Variants in SMYD3 observed in about 807,000 individuals in gnomAD.
The protein encoded by SMYD3 is SET and MYND domain containing 3.
A neutral mutation model predicts 57.7 loss-of-function variants in SMYD3; 36 were observed. The ratio of observed to expected loss-of-function variants is 0.62; its 90% CI spans 0.48 to 0.82. The LOEUF (loss-of-function observed/expected upper bound fraction) is 0.82. Among genes scored for constraint, SMYD3 ranks in the 40% least tolerant of loss-of-function variants. The pLI is 0.00. For synonymous variants in SMYD3, 211 were observed against 195.0 expected, an observed-to-expected ratio of 1.08 and a Z score of -0.68; for missense variants, 515 against 538.8, an observed-to-expected ratio of 0.96 and a Z score of 0.44.
chr1:246,435,047 C>G (rs982129582), intron 1 of SMYD3, among the ~76,000 whole-genome samples: 1 of 152,172 alleles, frequency 6.6e-6, no homozygotes, highest in African/African-American at 2.4e-5. Flanking sequence ...TTCTCCTAAG[C>G]AAATTAATGC....
chr1:246,149,573 A>C (rs2061910106), intron 5 of SMYD3, among the ~76,000 whole-genome samples: 1 of 152,218 alleles, frequency 6.6e-6, no homozygotes, highest in African/African-American at 2.4e-5. Flanking sequence ...TGCATTAAAA[A>C]TAATGAGGCA....
chr1:245,858,833 A>G (rs1021224528), intron 9 of SMYD3, among the ~76,000 whole-genome samples, 163 bp from the exon 10 acceptor site: 4 of 152,242 alleles, frequency 2.6e-5, no homozygotes, highest in African/African-American at 9.6e-5. Context: ...AAGCAAAAGC[A>G]CAGAAGAGGC....
At chr1:246,494,036 C>T (rs2068317377) in intron 1 of SMYD3, among the ~76,000 whole-genome samples, 1 of 152,210 alleles carries the variant, frequency 6.6e-6, no homozygotes, top group South Asian at 2.1e-4. Context: ...GAATCCTCAT[C>T]TCCAGTCTTT....
chr1:245,938,369 C>G (rs1305909067), intron 5 of SMYD3, among the ~76,000 whole-genome samples: 1 of 152,170 alleles, frequency 6.6e-6, no homozygotes, highest in Non-Finnish European at 1.5e-5. Flanking sequence ...CCCAAGCATG[C>G]CTGATCCCTG....
rs555176981 is a variant in SMYD3, at chr1:246,065,121, G to C, written c.532-135184C>G. ...GAGAACACTGTCCCATTGTTTAGAG[G>C]AGGTGAAACCTCAGTTTTTCTCAGT... On this transcript the variant is annotated intron_variant, in intron 5 of 11. Coordinates refer to ENST00000490107, the MANE Select transcript of SMYD3 (RefSeq NM_001167740.2). Among the ~76,000 whole-genome samples the C allele has an allele frequency of 3.2e-4, 49 of 152,314 alleles. No individual in the cohort carries two copies. In the South Asian group the frequency reaches 9.5e-3, roughly 30 times the overall value.
intron 10 of SMYD3, among the ~76,000 whole-genome samples, chr1:245,827,153 T>C (rs1334202461): frequency 6.6e-6 from 1 of 152,196 alleles, no homozygotes; most frequent in African/African-American, 2.4e-5. Flanking sequence ...GATGAGAAAG[T>C]TGAGGCCCAG....
chr1:246,223,301 G>A (rs995450345), intron 5 of SMYD3, among the ~76,000 whole-genome samples: 1 of 152,144 alleles, frequency 6.6e-6, no homozygotes, highest in Admixed American at 6.5e-5. Flanking sequence ...TTCTCAGAAT[G>A]CTAACAGGAC....
intron 5 of SMYD3, among the ~76,000 whole-genome samples, chr1:246,197,859 C>T (rs2148350108): frequency 6.6e-6 from 1 of 152,314 alleles, no homozygotes; most frequent in South Asian, 2.1e-4. Flanking sequence ...TATATCTACA[C>T]TTTCTAAAAT....
intron 5 of SMYD3, among the ~76,000 whole-genome samples, chr1:246,115,284 G>T (rs1320650769): frequency 1.3e-5 from 2 of 152,164 alleles, no homozygotes; most frequent in African/African-American, 2.4e-5. Flanking sequence ...ATAAGACCAC[G>T]AATACTGCCT....
At chr1:245,888,855 C>G (rs960880480) in intron 8 of SMYD3, among the ~76,000 whole-genome samples, 2 of 152,188 alleles carry the variant, frequency 1.3e-5, no homozygotes, top group Non-Finnish European at 2.9e-5. Context: ...TGAAGCCCAA[C>G]AGCAACTTCT....
intron 5 of SMYD3, among the ~76,000 whole-genome samples, chr1:245,938,129 G>C (rs569671872): frequency 6.6e-6 from 1 of 152,326 alleles, no homozygotes; most frequent in East Asian, 1.9e-4. Flanking sequence ...TATTCTCTCC[G>C]GGTGAACTTT....
Position 245,785,648 on chromosome 1 carries a change from A to C in SMYD3, c.1077-21499T>G, listed in dbSNP as rs889916712. Reference sequence around the variant, plus strand: ...CTCCCCCAGAGAGAGAGCGAGCGAGAGAGAGAGAGAGAGTGCGTGAGAGAG... The same window carrying C: ...CTCCCCCAGAGAGAGAGCGAGCGAGCGAGAGAGAGAGAGTGCGTGAGAGAG... On this transcript the variant is annotated intron_variant, in intron 10 of 11. Coordinates refer to ENST00000490107, the MANE Select transcript of SMYD3 (RefSeq NM_001167740.2). Among the ~76,000 whole-genome samples, 19 of 151,710 alleles carry C rather than the reference A, an allele frequency of 1.3e-4. No individual in the cohort carries two copies. In the East Asian group the frequency reaches 1.6e-3, roughly 12 times the overall value.
intron 5 of SMYD3, among the ~76,000 whole-genome samples, chr1:246,089,127 A>C (rs2060777633): frequency 6.6e-6 from 1 of 151,944 alleles, no homozygotes; most frequent in Admixed American, 6.6e-5. Context: ...ACAGGCATGC[A>C]CCACCATGCC....
chr1:246,433,423 G>A (rs59760763), intron 1 of SMYD3, among the ~76,000 whole-genome samples: 12,483 of 152,296 alleles, frequency 0.082, 780 homozygotes, highest in East Asian at 0.3. Flanking sequence ...CACTTTGGGA[G>A]GCCAAGGTGG....
chr1:245,879,008 T>C (rs181800375), intron 8 of SMYD3, among the ~76,000 whole-genome samples: 422 of 152,302 alleles, frequency 2.8e-3, no homozygotes, highest in African/African-American at 9.9e-3. Context: ...GGAAGAGCAG[T>C]GTTATTTCTT....
chr1:246,184,648 G>T (rs78334807), intron 5 of SMYD3, among the ~76,000 whole-genome samples: 2,052 of 152,254 alleles, frequency 0.013, 37 homozygotes, highest in African/African-American at 0.045. Flanking sequence ...ATACAGGTGG[G>T]GACCTGACAC....
intron 5 of SMYD3, chr1:245,930,946 C>T (rs2056679249): frequency 6.6e-6 from 1 of 152,068 alleles, no homozygotes; most frequent in South Asian, 2.1e-4. Context: ...TATTTATAGG[C>T]GATAAAGGCT....
intron 1 of SMYD3, among the ~76,000 whole-genome samples, chr1:246,377,837 T>A (rs2066305208): frequency 6.6e-6 from 1 of 152,192 alleles, no homozygotes; most frequent in Non-Finnish European, 1.5e-5. Flanking sequence ...CAATTTTGCA[T>A]ATTGACAAAC....
chr1:245,808,514 A>G (rs2048301599), intron 10 of SMYD3, among the ~76,000 whole-genome samples: 1 of 152,254 alleles, frequency 6.6e-6, no homozygotes, highest in African/African-American at 2.4e-5. Flanking sequence ...CACCTGACTC[A>G]GGAAGGAGCT....
Sources: gnomAD v4.1 joint callset for allele counts (sites outside exome capture counted in the v4.1 genomes callset) on GRCh38, gnomAD v4.1.1 for gene constraint, MANE v1.5 for transcripts, NCBI Gene and HGNC (gene_info 2026-07-23, HGNC 2026-07-21) for gene names.